Variants in TMEM132B observed in about 807,000 individuals in gnomAD.
TMEM132B encodes the protein transmembrane protein 132B.
A neutral mutation model predicts 90.8 loss-of-function variants in TMEM132B; 18 were observed. That is an observed-to-expected ratio of 0.20 (90% CI 0.14 to 0.29). The LOEUF (loss-of-function observed/expected upper bound fraction) is 0.29, where lower values mean the gene tolerates loss of function less well. Ranked by LOEUF, TMEM132B falls within the 10% of genes least tolerant of loss-of-function variation. The probability of loss-of-function intolerance (pLI) is 1.00; values close to 1 mark genes in which losing one functional copy is unlikely to be tolerated. For synonymous variants in TMEM132B, 504 were observed against 523.3 expected, an observed-to-expected ratio of 0.96 and a Z score of 0.50; for missense variants, 1,096 against 1,326.8, an observed-to-expected ratio of 0.83 and a Z score of 2.70.
At chr12:125,260,423 C>T (rs1874536893) in intron 1 of TMEM132B, among the ~76,000 whole-genome samples, 1 of 151,918 alleles carries the variant, frequency 6.6e-6, no homozygotes, top group South Asian at 2.1e-4. Flanking sequence ...GCGATCATAG[C>T]TTACTTCAGC....
chr12:125,594,964 A>G (rs1056070463), intron 5 of TMEM132B, among the ~76,000 whole-genome samples: 6 of 152,248 alleles, frequency 3.9e-5, no homozygotes, highest in Middle Eastern at 6.8e-3. Flanking sequence ...TTCTCAGGAA[A>G]TGTCAGCTAG....
chr12:125,425,465 T>TTAC (rs1566032250), intron 3 of TMEM132B, among the ~76,000 whole-genome samples: 1,688 of 152,266 alleles, frequency 0.011, 29 homozygotes, highest in African/African-American at 0.037. Flanking sequence ...TACATTATTA[T>TTAC]TAAAGTCCAC....
chr12:125,201,535 T>A lies in TMEM132B; in HGVS notation c.67+14669T>A, dbSNP rs180835887. Among the ~76,000 whole-genome samples the A allele has an allele frequency of 5.4e-3, 829 of 152,376 alleles. 22 individuals carry two copies. Among genetic ancestry groups the A allele is most frequent in the Admixed American group, 0.049 (756 of 15,310 alleles). On this transcript the variant is annotated intron_variant, in intron 1 of 8. Transcript: ENST00000682704. Reference sequence around the variant, plus strand: ...TGCTTCGTTATATACTGTTTGCCCCTCTGCTAGCTGCTTATGCTTGCTAAC... The same window carrying A: ...TGCTTCGTTATATACTGTTTGCCCCACTGCTAGCTGCTTATGCTTGCTAAC...
At chr12:125,342,349 A>G (rs1218558639) in intron 1 of TMEM132B, among the ~76,000 whole-genome samples, 1 of 152,186 alleles carries the variant, frequency 6.6e-6, no homozygotes, top group Non-Finnish European at 1.5e-5. Context: ...ACCATCATTT[A>G]CTAACTGTGT....
chr12:125,327,787 T>C (rs1252205690), intron 1 of TMEM132B, among the ~76,000 whole-genome samples: 1 of 151,930 alleles, frequency 6.6e-6, no homozygotes, highest in Non-Finnish European at 1.5e-5. Context: ...TCTTCTATAG[T>C]CCAAGGTTTT....
rs1873083865 is a variant in TMEM132B at position 125,202,475 on chromosome 12, C to G, written c.67+15609C>G. ...GAAAGCTGGACTGGGGAATGATCTG[C>G]TGCTGTGCTCACATGGTGGTTGGTA... On this transcript the variant is annotated intron_variant, in intron 1 of 8. Transcript: ENST00000682704. Among the ~76,000 whole-genome samples, 3 of 152,230 alleles carry G rather than the reference C, an allele frequency of 2.0e-5. No individual in the cohort carries two copies. In the South Asian group the frequency reaches 6.2e-4, roughly 31 times the overall value.
At chr12:125,647,549 G>A (rs981235192) in intron 6 of TMEM132B, among the ~76,000 whole-genome samples, 3 of 152,190 alleles carry the variant, frequency 2.0e-5, no homozygotes, top group Non-Finnish European at 4.4e-5. Flanking sequence ...TTTTTCAGGC[G>A]CTAAAAGAAA....
chr12:125,257,987 G>A (rs955181117), intron 1 of TMEM132B, among the ~76,000 whole-genome samples: 32 of 152,192 alleles, frequency 2.1e-4, no homozygotes, highest in African/African-American at 7.5e-4. Context: ...AAGCCACCAA[G>A]TTCATTTCAG....
chr12:125,471,804 C>G (rs1024479291), intron 3 of TMEM132B, among the ~76,000 whole-genome samples: 1 of 152,206 alleles, frequency 6.6e-6, no homozygotes, highest in Non-Finnish European at 1.5e-5. Flanking sequence ...CCTGCTGAAG[C>G]TGGCATTATT....
At chr12:125,299,665 C>T (rs968410386) in intron 1 of TMEM132B, among the ~76,000 whole-genome samples, 1 of 152,218 alleles carries the variant, frequency 6.6e-6, no homozygotes, top group Admixed American at 6.5e-5. Flanking sequence ...TGGGGCCACC[C>T]TTGTCACCGC....
At chr12:125,633,549 G>A (rs1297359442) in intron 5 of TMEM132B, among the ~76,000 whole-genome samples, 2 of 152,230 alleles carry the variant, frequency 1.3e-5, no homozygotes, top group African/African-American at 4.8e-5. Context: ...GCCTGGGCAT[G>A]TTTGTACCTG....
At chr12:125,314,596 C>T (rs546275324) in intron 1 of TMEM132B, among the ~76,000 whole-genome samples, 4 of 152,182 alleles carry the variant, frequency 2.6e-5, no homozygotes, top group South Asian at 2.1e-4. Context: ...AAGGCTTCAA[C>T]GGGGCAAATT....
intron 3 of TMEM132B, among the ~76,000 whole-genome samples, chr12:125,507,190 G>A (rs1882868232): frequency 1.3e-5 from 2 of 152,220 alleles, no homozygotes; most frequent in Non-Finnish European, 2.9e-5. Flanking sequence ...AGCCAAAGGG[G>A]TGTCATGTTG....
At chr12:125,280,284 C>G (rs1226791652) in intron 1 of TMEM132B, among the ~76,000 whole-genome samples, 1 of 152,298 alleles carries the variant, frequency 6.6e-6, no homozygotes, top group African/African-American at 2.4e-5. Flanking sequence ...GCCAATTACC[C>G]TGATCTGATC....
chr12:125,519,531 T>C lies in TMEM132B; in HGVS notation c.1199T>C (p.Val400Ala). The C allele has an allele frequency of 6.2e-7, 1 of 1,614,126 alleles. No individual in the cohort carries two copies. Among genetic ancestry groups the C allele is most frequent in the Non-Finnish European group, 8.5e-7 (1 of 1,180,022 alleles). ...GGGGCCCAGCAGATTACCTGGCAGG[T>C]GGAGTACCCGATTGAGGACTCCATG... Reference protein sequence around the residue: ...LAGAQQITWQVEYPIEDSMSE... With the variant: ...LAGAQQITWQAEYPIEDSMSE... Residue 400 changes from valine to alanine, a missense_variant, in exon 4 of 9, where the codon GTG (valine) becomes GCG (alanine). Val to Ala is a moderately conservative substitution (Grantham distance 64, BLOSUM62 0). Coordinates refer to ENST00000682704, the MANE Select transcript of TMEM132B (RefSeq NM_001366854.1).
At chr12:125,233,992 T>C (rs776238196) in intron 1 of TMEM132B, among the ~76,000 whole-genome samples, 12 of 152,230 alleles carry the variant, frequency 7.9e-5, no homozygotes, top group Non-Finnish European at 1.6e-4. Context: ...CTTCTTATTA[T>C]GAAGATGTAT....
chr12:125,399,919 C>G (rs1879268373), intron 2 of TMEM132B, among the ~76,000 whole-genome samples: 1 of 152,200 alleles, frequency 6.6e-6, no homozygotes, highest in Non-Finnish European at 1.5e-5. Flanking sequence ...AGGATCAGAT[C>G]AGCTTCACAG....
At chr12:125,381,195 C>T (rs894352043) in intron 2 of TMEM132B, among the ~76,000 whole-genome samples, 15 of 152,204 alleles carry the variant, frequency 9.9e-5, no homozygotes, top group African/African-American at 3.6e-4. Context: ...ACACACCTTT[C>T]AACCTGCTGG....
intron 1 of TMEM132B, among the ~76,000 whole-genome samples, chr12:125,318,346 A>G (rs1876342265): frequency 6.6e-6 from 1 of 151,806 alleles, no homozygotes; most frequent in Admixed American, 6.6e-5. Context: ...AGAGCTTTTA[A>G]TGAATTTATT....
Sources: allele counts gnomAD v4.1 joint callset (sites outside exome capture counted in the v4.1 genomes callset), GRCh38; gene constraint gnomAD v4.1.1; transcripts MANE v1.5; gene names NCBI Gene and HGNC (gene_info 2026-07-23, HGNC 2026-07-21).